Variants in EFCAB13 observed in about 807,000 individuals in gnomAD.
The protein encoded by EFCAB13 is EF-hand calcium binding domain 13, also known as EF-hand calcium-binding domain-containing protein 13.
In EFCAB13, 91 loss-of-function variants were observed where a neutral mutation model predicts 110.2. The ratio of observed to expected loss-of-function variants is 0.83; its 90% CI spans 0.70 to 0.98. The LOEUF (loss-of-function observed/expected upper bound fraction) is 0.98. Among genes scored for constraint, EFCAB13 ranks in the 50% least tolerant of loss-of-function variants. The pLI, the probability that EFCAB13 is intolerant of heterozygous loss-of-function variation, is 0.00. For synonymous variants in EFCAB13, 323 were observed against 369.9 expected (o/e 0.87, Z 1.45); for missense variants, 968 against 1,119.4 (o/e 0.86, Z 1.93).
chr17:47,401,640 C>CTT (rs763737651), intron 17 of EFCAB13, among the ~76,000 whole-genome samples: 920 of 84,488 alleles, frequency 0.011, 24 homozygotes, highest in South Asian at 0.016. Flanking sequence ...CTCAGCCTGA[C>CTT]TTTTTTTTTT....
At chr17:47,353,977 A>G (rs1291838444) in intron 9 of EFCAB13, among the ~76,000 whole-genome samples, 1 of 151,966 alleles carries the variant, frequency 6.6e-6, no homozygotes, top group East Asian at 1.9e-4. Flanking sequence ...TAGATTGCCA[A>G]TTTGTGCTCT....
chr17:47,343,047 CTG>C (rs1448756268), intron 6 of EFCAB13, among the ~76,000 whole-genome samples: 6 of 152,052 alleles, frequency 3.9e-5, no homozygotes, highest in Admixed American at 3.9e-4. Context: ...GATCAATTCA[CTG>C]TATGAAATTC....
At chr17:47,415,595 A>G (rs1904415788) in intron 23 of EFCAB13, among the ~76,000 whole-genome samples, 1 of 152,202 alleles carries the variant, frequency 6.6e-6, no homozygotes, top group Non-Finnish European at 1.5e-5. Flanking sequence ...AAAGGTAGTT[A>G]GGTTTTTCTT....
chr17:47,325,957 TATATAGC>T (rs2065283208), intron 2 of EFCAB13, among the ~76,000 whole-genome samples: 2 of 131,362 alleles, frequency 1.5e-5, no homozygotes, highest in Admixed American at 7.6e-5. Flanking sequence ...TATATATATA[TATATAGC>T]ATATATATAT....
chr17:47,353,177 T>TTA (rs1299871330), intron 9 of EFCAB13, among the ~76,000 whole-genome samples: 1 of 152,184 alleles, frequency 6.6e-6, no homozygotes, highest in East Asian at 1.9e-4. Context: ...GAGGAATGCT[T>TTA]TAAACATTTC....
At position 47,429,821 on chromosome 17, in the gene EFCAB13, C is replaced by T. The variant is rs1274162340; in HGVS notation, c.2498C>T (p.Thr833Ile). Residue 833 changes from threonine (T) to isoleucine (I), a missense_variant, in exon 24 of 25, where the codon ACA becomes ATA. Coordinates refer to ENST00000331493, the MANE Select transcript of EFCAB13 (RefSeq NM_152347.5). ...TGCTTTTGCTCTCCTTTTGCAGCTACACAGATACTCTTAGCTACTACCCAA... is the reference window on the plus strand; with the variant it reads ...TGCTTTTGCTCTCCTTTTGCAGCTATACAGATACTCTTAGCTACTACCCAA... ...ESPHFQKSKATQILLATTQIL... is the reference protein window; with the variant it reads ...ESPHFQKSKAIQILLATTQIL... The T allele has an allele frequency of 6.3e-7, 1 of 1,595,812 alleles. No individual in the cohort carries two copies.
At chr17:47,349,478 A>T (rs1371211326) in intron 9 of EFCAB13, among the ~76,000 whole-genome samples, 1 of 152,156 alleles carries the variant, frequency 6.6e-6, no homozygotes, top group Non-Finnish European at 1.5e-5. Context: ...TACTGCTGGA[A>T]CACTATTTAC....
chr17:47,325,926 ATATATATATATATATAT>A (rs2065281202), intron 2 of EFCAB13, among the ~76,000 whole-genome samples: 13 of 20,158 alleles, frequency 6.4e-4, no homozygotes, highest in African/African-American at 1.9e-3. Context: ...TAAACAAAAT[ATATATATATATATATAT>A]ATATATATAT....
intron 4 of EFCAB13, 96 bp from the exon 5 acceptor site, chr17:47,335,100 G>T (rs984984829): frequency 2.3e-6 from 3 of 1,306,990 alleles, no homozygotes; most frequent in Admixed American, 2.6e-5. Flanking sequence ...ATTTGAGAAA[G>T]AATATCAATC....
intron 9 of EFCAB13, among the ~76,000 whole-genome samples, chr17:47,350,602 T>TG (rs1025343747): frequency 1.4e-4 from 18 of 126,180 alleles, no homozygotes; most frequent in Admixed American, 9.4e-4. Flanking sequence ...TGTGTGTGTG[T>TG]TTTTTTTTCT....
chr17:47,354,502 T>C (rs1456196851), intron 9 of EFCAB13, among the ~76,000 whole-genome samples: 1 of 152,136 alleles, frequency 6.6e-6, no homozygotes, highest in Non-Finnish European at 1.5e-5. Flanking sequence ...TTGCTGTCTG[T>C]CTCATTTCTT....
At chr17:47,411,359 A>G (rs2065833584) in intron 21 of EFCAB13, among the ~76,000 whole-genome samples, 1 of 152,220 alleles carries the variant, frequency 6.6e-6, no homozygotes, top group Non-Finnish European at 1.5e-5. Flanking sequence ...AGACAAACTG[A>G]CATTTCCCCC....
At chr17:47,330,960 C>T (rs1320890794) in intron 4 of EFCAB13, among the ~76,000 whole-genome samples, 1 of 151,990 alleles carries the variant, frequency 6.6e-6, no homozygotes, top group Non-Finnish European at 1.5e-5. Flanking sequence ...TAATAATGGC[C>T]ATTCTGGCTG....
chr17:47,325,921 AAAATATATAT>A (rs1396581565), intron 2 of EFCAB13, among the ~76,000 whole-genome samples: 5 of 62,454 alleles, frequency 8.0e-5, no homozygotes, highest in African/African-American at 3.9e-4. Flanking sequence ...ATATATAAAC[AAAATATATAT>A]ATATATATAT....
intron 10 of EFCAB13, 23 bp downstream of exon 10, chr17:47,361,544 T>C (rs893128217): frequency 6.4e-7 from 1 of 1,573,080 alleles, no homozygotes; most frequent in Admixed American, 1.7e-5. Flanking sequence ...CATTGAGATA[T>C]ATATGTCCAT....
intron 23 of EFCAB13, among the ~76,000 whole-genome samples, chr17:47,426,681 T>C (rs777200334): frequency 6.6e-5 from 10 of 152,160 alleles, no homozygotes; most frequent in Non-Finnish European, 1.2e-4. Flanking sequence ...TAAACTTCCC[T>C]TTTATACAGA....
At chr17:47,391,693 A>G (rs1352331973) in intron 15 of EFCAB13, 113 bp downstream of exon 15, 4 of 931,020 alleles carry the variant, frequency 4.3e-6, no homozygotes, top group Admixed American at 3.8e-5. Context: ...GTTAAAATTA[A>G]ACTAATACAA....
At chr17:47,405,291 G>A (rs557418481) in intron 20 of EFCAB13, among the ~76,000 whole-genome samples, 1 of 152,136 alleles carries the variant, frequency 6.6e-6, no homozygotes, top group South Asian at 2.1e-4. Flanking sequence ...CTTTGTGCAC[G>A]TTGCACACAA....
intron 24 of EFCAB13, among the ~76,000 whole-genome samples, chr17:47,439,044 C>T (rs2143532463): frequency 6.6e-6 from 1 of 152,168 alleles, no homozygotes; most frequent in East Asian, 1.9e-4. Context: ...TTAGTATTTC[C>T]CTACACAGCA....
Sources: gnomAD v4.1 joint callset for allele counts (sites outside exome capture counted in the v4.1 genomes callset) on GRCh38, gnomAD v4.1.1 for gene constraint, MANE v1.5 for transcripts, NCBI Gene and HGNC (gene_info 2026-07-23, HGNC 2026-07-21) for gene names.